Variants in CADM2 observed in about 807,000 individuals in gnomAD.
CADM2 encodes immunoglobulin superfamily member 4D.
CADM2 carries 12 observed loss-of-function variants against 49.8 expected under a neutral mutation model. The observed-to-expected ratio is 0.24, with a 90% CI of 0.15 to 0.39. The LOEUF (loss-of-function observed/expected upper bound fraction) is 0.39, where lower values mean the gene tolerates loss of function less well. Ranked by LOEUF, CADM2 falls within the 10% of genes least tolerant of loss-of-function variation. The pLI is 1.00. For missense variants in CADM2, 378 were observed against 492.3 expected, an observed-to-expected ratio of 0.77 and a Z score of 2.20; for synonymous variants, 214 against 175.4, an observed-to-expected ratio of 1.22 and a Z score of -1.74.
At chr3:85,884,363 G>A (rs1208694731) in intron 4 of CADM2, among the ~76,000 whole-genome samples, 1 of 152,120 alleles carries the variant, frequency 6.6e-6, no homozygotes, top group African/African-American at 2.4e-5. Context: ...CTAGTGAATT[G>A]GTTTTGTGCA....
At chr3:85,775,812 A>T (rs902392260) in intron 2 of CADM2, among the ~76,000 whole-genome samples, 6 of 151,914 alleles carry the variant, frequency 3.9e-5, no homozygotes, top group African/African-American at 1.4e-4. Context: ...CAACCCAGAG[A>T]TTCTATTCAG....
chr3:85,489,696 C>CA (rs34418561), intron 1 of CADM2, among the ~76,000 whole-genome samples: 6 of 134,894 alleles, frequency 4.4e-5, no homozygotes, highest in South Asian at 2.3e-4. Context: ...AAAAAAAAAA[C>CA]AAAAAAAAGA....
At chr3:85,867,571 T>C (rs919076967) in intron 3 of CADM2, among the ~76,000 whole-genome samples, 19 of 152,258 alleles carry the variant, frequency 1.2e-4, no homozygotes, top group African/African-American at 4.1e-4. Context: ...AAAAAGAATT[T>C]ATTTTTCAAA....
At chr3:85,713,902 C>G (rs919141931) in intron 1 of CADM2, among the ~76,000 whole-genome samples, 8 of 152,124 alleles carry the variant, frequency 5.3e-5, no homozygotes, top group African/African-American at 1.9e-4. Context: ...TATGACCCTA[C>G]CTGAAGTATA....
chr3:85,670,653 T>G (rs2065708638), intron 1 of CADM2, among the ~76,000 whole-genome samples: 1 of 152,278 alleles, frequency 6.6e-6, no homozygotes, highest in South Asian at 2.1e-4. Flanking sequence ...ACTTGAAATG[T>G]TAACATAAAA....
intron 1 of CADM2, among the ~76,000 whole-genome samples, chr3:85,631,059 A>G (rs1363932512): frequency 2.0e-5 from 3 of 152,028 alleles, no homozygotes; most frequent in African/African-American, 4.8e-5. Flanking sequence ...TTATTCCTCA[A>G]AAACATCAAA....
chr3:85,475,465 A>G (rs2038938396), intron 1 of CADM2, among the ~76,000 whole-genome samples: 1 of 151,968 alleles, frequency 6.6e-6, no homozygotes, highest in Non-Finnish European at 1.5e-5. Context: ...TTTATTTGTC[A>G]TTTATGGGAA....
At chr3:85,194,040 A>C (rs1362703975) in intron 1 of CADM2, among the ~76,000 whole-genome samples, 1 of 152,144 alleles carries the variant, frequency 6.6e-6, no homozygotes, top group Non-Finnish European at 1.5e-5. Context: ...GATTTTACCC[A>C]GGCAGGGAAG....
chr3:85,268,978 G>A (rs1034070569), intron 1 of CADM2, among the ~76,000 whole-genome samples: 2 of 151,180 alleles, frequency 1.3e-5, no homozygotes, highest in African/African-American at 2.4e-5. Context: ...AAACAAAATT[G>A]CTATCTAATT....
chr3:86,048,043 C>G (rs1736875931), intron 8 of CADM2, among the ~76,000 whole-genome samples: 1 of 151,872 alleles, frequency 6.6e-6, no homozygotes, highest in African/African-American at 2.4e-5. Flanking sequence ...TCAAAGATGA[C>G]CAGTATTAAT....
intron 8 of CADM2, among the ~76,000 whole-genome samples, chr3:86,049,353 C>A (rs2107310857): frequency 6.6e-6 from 1 of 151,424 alleles, no homozygotes; most frequent in African/African-American, 2.4e-5. Context: ...TGGCTCACTG[C>A]AAGCTCTGCC....
intron 1 of CADM2, among the ~76,000 whole-genome samples, chr3:85,248,616 C>A (rs752862501): frequency 2.0e-5 from 3 of 152,064 alleles, no homozygotes; most frequent in Admixed American, 6.6e-5. Context: ...GTATTTATTA[C>A]GTGAATGTTC....
intron 8 of CADM2, among the ~76,000 whole-genome samples, chr3:86,008,865 C>A (rs1731125077): frequency 6.6e-6 from 1 of 151,726 alleles, no homozygotes; most frequent in South Asian, 2.1e-4. Context: ...GGATTATCAT[C>A]TATAAAAGTT....
At chr3:85,121,232 C>T (rs1198532002) in intron 1 of CADM2, among the ~76,000 whole-genome samples, 1 of 152,176 alleles carries the variant, frequency 6.6e-6, no homozygotes, top group African/African-American at 2.4e-5. Context: ...AAAACACTCA[C>T]TGTCATTTTG....
intron 1 of CADM2, among the ~76,000 whole-genome samples, chr3:85,165,480 A>C (rs570543222): frequency 6.6e-6 from 1 of 152,032 alleles, no homozygotes; most frequent in Admixed American, 6.6e-5. Context: ...ATGTACAAGA[A>C]GGAAATAAAT....
chr3:85,880,247 A>G (rs534181645), intron 3 of CADM2, among the ~76,000 whole-genome samples: 4 of 152,276 alleles, frequency 2.6e-5, no homozygotes, highest in African/African-American at 9.6e-5. Flanking sequence ...TCCACTAGGT[A>G]TCTTTGCCCT....
At chr3:85,755,396 C>T (rs1395413842) in intron 2 of CADM2, among the ~76,000 whole-genome samples, 1 of 152,096 alleles carries the variant, frequency 6.6e-6, no homozygotes, top group Non-Finnish European at 1.5e-5. Context: ...TAGCCCAGAG[C>T]TTCCTGCCCT....
chr3:85,990,404 C>T lies in CADM2; in HGVS notation c.970+28757C>T, dbSNP rs77112592. ...TTCAGTAGGTTAGGTGTATTAAATA[C>T]ATTTTTGACTTATATTTTTAACTTA... On this transcript the variant is annotated intron_variant, in intron 8 of 9. Coordinates refer to ENST00000383699, the MANE Select transcript of CADM2 (RefSeq NM_001167675.2). 2.0e-3 allele frequency among the ~76,000 whole-genome samples: 299 copies of T among 152,196 alleles called. 5 individuals are homozygous for T. In the East Asian group the frequency reaches 0.056, roughly 28 times the overall value.
intron 1 of CADM2, among the ~76,000 whole-genome samples, chr3:85,670,339 C>G (rs2065700027): frequency 6.6e-6 from 1 of 152,058 alleles, no homozygotes; most frequent in Non-Finnish European, 1.5e-5. Flanking sequence ...TTGTTTTATT[C>G]TATCAACTAG....
Sources: allele counts gnomAD v4.1 joint callset (sites outside exome capture counted in the v4.1 genomes callset), GRCh38; gene constraint gnomAD v4.1.1; transcripts MANE v1.5; gene names NCBI Gene and HGNC (gene_info 2026-07-23, HGNC 2026-07-21).